NTRK3: variants seen among roughly 807,000 people sequenced by gnomAD.
NTRK3 encodes the protein neurotrophic receptor tyrosine kinase 3.
A neutral mutation model predicts 91.7 loss-of-function variants in NTRK3; 24 were observed. That is an observed-to-expected ratio of 0.26 (90% CI 0.19 to 0.37). The LOEUF (loss-of-function observed/expected upper bound fraction) is 0.37. Ranked by LOEUF, NTRK3 falls within the 10% of genes least tolerant of loss-of-function variation. The probability of loss-of-function intolerance (pLI) is 1.00; values close to 1 mark genes in which losing one functional copy is unlikely to be tolerated. For missense variants in NTRK3, 880 were observed against 1,068.9 expected, an observed-to-expected ratio of 0.82 and a Z score of 2.46; for synonymous variants, 483 against 404.0, an observed-to-expected ratio of 1.20 and a Z score of -2.34.
chr15:88,124,042 G>A (rs1002523674), intron 13 of NTRK3, among the ~76,000 whole-genome samples: 20 of 152,134 alleles, frequency 1.3e-4, no homozygotes, highest in South Asian at 4.2e-4. Context: ...GGATGCATTC[G>A]GATGGTTGGG....
chr15:88,022,685 T>C (rs2077690303), intron 14 of NTRK3, among the ~76,000 whole-genome samples: 1 of 152,140 alleles, frequency 6.6e-6, no homozygotes, highest in Non-Finnish European at 1.5e-5. Flanking sequence ...TCCCCTGGGC[T>C]CCCATCCCAC....
intron 3 of NTRK3, among the ~76,000 whole-genome samples, chr15:88,254,254 A>T (rs1567725560): frequency 6.6e-6 from 1 of 152,104 alleles, no homozygotes; most frequent in African/African-American, 2.4e-5. Context: ...TCCAAGTCTG[A>T]GTTTCCCTAA....
intron 17 of NTRK3, among the ~76,000 whole-genome samples, chr15:87,883,620 T>C (rs2065372395): frequency 6.6e-6 from 1 of 151,170 alleles, no homozygotes; most frequent in South Asian, 2.1e-4. Flanking sequence ...AAATTGCACA[T>C]TATTTTCAAT....
chr15:87,952,450 C>A (rs2071219897), intron 14 of NTRK3, among the ~76,000 whole-genome samples: 1 of 152,116 alleles, frequency 6.6e-6, no homozygotes, highest in African/African-American at 2.4e-5. Flanking sequence ...TCCTGTCTTC[C>A]CTCAGGTGTG....
At chr15:88,076,558 C>T (rs1328282395) in intron 13 of NTRK3, among the ~76,000 whole-genome samples, 1 of 151,766 alleles carries the variant, frequency 6.6e-6, no homozygotes, top group Non-Finnish European at 1.5e-5. Flanking sequence ...TAAACACCTA[C>T]CACATGCCAA....
At chr15:88,175,637 A>G (rs898184982) in intron 5 of NTRK3, among the ~76,000 whole-genome samples, 4 of 152,130 alleles carry the variant, frequency 2.6e-5, no homozygotes, top group African/African-American at 7.2e-5. Flanking sequence ...GTACGTTCCA[A>G]TTTTCTAAAG....
At chr15:87,903,153 A>C (rs949300254) in intron 17 of NTRK3, among the ~76,000 whole-genome samples, 6 of 152,228 alleles carry the variant, frequency 3.9e-5, no homozygotes, top group Non-Finnish European at 5.9e-5. Context: ...TAATCAGAGG[A>C]ACCAGCTAAG....
At chr15:87,958,298 A>T (rs2071884826) in intron 14 of NTRK3, among the ~76,000 whole-genome samples, 1 of 152,118 alleles carries the variant, frequency 6.6e-6, no homozygotes, top group South Asian at 2.1e-4. Flanking sequence ...GAGTAAGATA[A>T]CTTCAGCCCA....
chr15:88,078,359 A>G (rs1022795055), intron 13 of NTRK3, among the ~76,000 whole-genome samples: 1 of 152,218 alleles, frequency 6.6e-6, no homozygotes, highest in Non-Finnish European at 1.5e-5. Context: ...GTGGGGTTAA[A>G]GAAAAGTGGG....
At chr15:87,958,971 A>G (rs1381414097) in intron 14 of NTRK3, among the ~76,000 whole-genome samples, 2 of 151,984 alleles carry the variant, frequency 1.3e-5, no homozygotes, top group Non-Finnish European at 2.9e-5. Context: ...CTCTGAGCAC[A>G]TCTTCACTGC....
rs141094713 is a variant in NTRK3 at position 87,961,541 on chromosome 15, C to T, written c.1586-20788G>A. Among the ~76,000 whole-genome samples the T allele has an allele frequency of 2.5e-3, 374 of 152,352 alleles. 2 individuals are homozygous for T. Among genetic ancestry groups the T allele is most frequent in the African/African-American group, 8.4e-3 (350 of 41,572 alleles). The stretch of plus-strand genomic sequence containing the variant: ...GGCACTGTAGTATTAGCAGGTTTGC[C>T]GATTGGCATACCAGCTACAGCAGGA... On this transcript the variant is annotated intron_variant, in intron 14 of 18. Transcript: ENST00000394480.
chr15:88,145,742 A>G (rs1441626513), intron 6 of NTRK3, among the ~76,000 whole-genome samples: 3 of 152,186 alleles, frequency 2.0e-5, no homozygotes, highest in Non-Finnish European at 4.4e-5. Context: ...GCCTCCTGAG[A>G]TGAAGGGACT....
At chr15:87,933,098 G>T (rs944569547) in exon 16 of NTRK3, 1 of 1,614,080 alleles carries the variant, frequency 6.2e-7, no homozygotes, top group Non-Finnish European at 8.5e-7. Context: ...CATAGAACTT[G>T]ACAATGTGCT....
intron 6 of NTRK3, among the ~76,000 whole-genome samples, chr15:88,141,748 G>C (rs150174199): frequency 1.1e-3 from 172 of 152,342 alleles, no homozygotes; most frequent in Non-Finnish European, 1.9e-3. Flanking sequence ...CCCAAAGGCA[G>C]ACAGCATGAG....
chr15:88,015,018 C>T (rs1159286867), intron 14 of NTRK3, among the ~76,000 whole-genome samples: 1 of 152,168 alleles, frequency 6.6e-6, no homozygotes, highest in African/African-American at 2.4e-5. Context: ...ACTGCTAGAT[C>T]GCTCTCATTT....
At chr15:88,217,361 C>T (rs1222982173) in intron 3 of NTRK3, among the ~76,000 whole-genome samples, 2 of 152,326 alleles carry the variant, frequency 1.3e-5, no homozygotes, top group South Asian at 2.1e-4. Flanking sequence ...GTGTATCCAT[C>T]GCAGATGAAT....
At chr15:88,032,971 G>T in exon 14 of NTRK3, 1 of 1,612,134 alleles carries the variant, frequency 6.2e-7, no homozygotes. Context: ...AGTGACGAGG[G>T]CGTGGTGATG....
chr15:87,986,970 G>A (rs1283440505), intron 14 of NTRK3, among the ~76,000 whole-genome samples: 1 of 152,236 alleles, frequency 6.6e-6, no homozygotes. Flanking sequence ...GCCAGATTTG[G>A]CCCTTGGCCA....
intron 14 of NTRK3, among the ~76,000 whole-genome samples, chr15:88,020,242 G>C (rs2077509304): frequency 1.3e-5 from 2 of 152,148 alleles, no homozygotes; most frequent in African/African-American, 4.8e-5. Context: ...ATCTCGCCAT[G>C]AATCTCTCTG....
Sources: allele counts gnomAD v4.1 joint callset (sites outside exome capture counted in the v4.1 genomes callset), GRCh38; gene constraint gnomAD v4.1.1; transcripts MANE v1.5; gene names NCBI Gene and HGNC (gene_info 2026-07-23, HGNC 2026-07-21).